Variants in SRGN observed in about 807,000 individuals in gnomAD.
The protein encoded by SRGN is serglycin, also known as hematopoetic proteoglycan core peptide.
SRGN carries 2 observed loss-of-function variants against 9.5 expected under a neutral mutation model. That is an observed-to-expected ratio of 0.21 (90% CI 0.09 to 0.66). The LOEUF is 0.66. Among genes scored for constraint, SRGN ranks in the 30% least tolerant of loss-of-function variants. The pLI, the probability that SRGN is intolerant of heterozygous loss-of-function variation, is 0.83. For missense variants in SRGN, 170 were observed against 192.4 expected, an observed-to-expected ratio of 0.88 and a Z score of 0.69; for synonymous variants, 59 against 72.3, an observed-to-expected ratio of 0.82 and a Z score of 0.93.
At chr10:69,093,246 G>A (rs903562235) in intron 1 of SRGN, among the ~76,000 whole-genome samples, 2 of 152,136 alleles carry the variant, frequency 1.3e-5, no homozygotes, top group African/African-American at 4.8e-5. Context: ...ACAAGATTTG[G>A]AACCCTTAGT....
chr10:69,089,413 G>T (rs1444987909), intron 1 of SRGN, among the ~76,000 whole-genome samples: 2 of 152,176 alleles, frequency 1.3e-5, no homozygotes, highest in Admixed American at 1.3e-4. Flanking sequence ...GGTCTGACAA[G>T]ATCGAGAGTA....
intron 2 of SRGN, among the ~76,000 whole-genome samples, chr10:69,102,143 T>C (rs551099033): frequency 9.2e-5 from 14 of 152,344 alleles, no homozygotes; most frequent in African/African-American, 3.4e-4. Flanking sequence ...ACTTCTCTGG[T>C]TGTGCTTTTT....
chr10:69,095,576 A>G (rs1378571454), intron 1 of SRGN, among the ~76,000 whole-genome samples: 1 of 152,076 alleles, frequency 6.6e-6, no homozygotes, highest in African/African-American at 2.4e-5. Flanking sequence ...TGTCTTTGCT[A>G]AACTGAGGAA....
rs746690884 is a variant in SRGN at position 69,103,847 on chromosome 10, TC to T, written c.228-21del. On this transcript the variant is annotated intron_variant, in intron 2 of 2. Transcript: ENST00000242465. ...ACATATCAAACTCCACTGGTTTTTT[TC>T]CCATTTTTCTTTCATACTTCAGAAA... The T allele has an allele frequency of 1.5e-5, 24 of 1,608,398 alleles. No individual in the cohort carries two copies. In the South Asian group the frequency reaches 2.5e-4, roughly 17 times the overall value.
intron 1 of SRGN, among the ~76,000 whole-genome samples, chr10:69,093,268 A>G (rs1840102428): frequency 6.6e-6 from 1 of 152,236 alleles, no homozygotes; most frequent in Non-Finnish European, 1.5e-5. Context: ...TGAAGAAAAG[A>G]ATGCAAAATA....
In SRGN at chr10:69,097,064, A is replaced by G; in HGVS notation, c.80-20A>G. On this transcript the variant is annotated intron_variant, in intron 1 of 2. Coordinates refer to ENST00000242465, the MANE Select transcript of SRGN (RefSeq NM_002727.4). ...AGCTGTGTAGTAGATACTTAGTAAC[A>G]ATGTGGGTTCCTCGGGCAGGTTATC... The G allele has an allele frequency of 3.1e-6, 5 of 1,612,226 alleles. No homozygotes were observed. The highest frequency in any genetic ancestry group is 1.3e-5 in the African/African-American group (1 of 74,942).
chr10:69,100,781 G>C (rs957290865), intron 2 of SRGN, among the ~76,000 whole-genome samples: 2 of 152,076 alleles, frequency 1.3e-5, no homozygotes, highest in South Asian at 2.1e-4. Flanking sequence ...GCAAGGACGG[G>C]AGACTGAGAG....
rs1589323928 is a variant in SRGN, at chr10:69,088,110, C to G, written c.-48C>G. 2 of 1,536,094 alleles carry G rather than the reference C, an allele frequency of 1.3e-6. No individual in the cohort carries two copies. The highest frequency in any genetic ancestry group is 2.7e-5 in the African/African-American group (2 of 73,446). On this transcript the variant is annotated 5_prime_UTR_variant, in exon 1 of 3. Transcript: ENST00000242465. ...GACAGAGAGCACCCTGCTACATTTCCTAATCAAGAAGTTGGCGTGCAGCTG... is the reference window on the plus strand; with the variant it reads ...GACAGAGAGCACCCTGCTACATTTCGTAATCAAGAAGTTGGCGTGCAGCTG...
At chr10:69,101,298 G>T (rs1228312736) in intron 2 of SRGN, among the ~76,000 whole-genome samples, 1 of 152,032 alleles carries the variant, frequency 6.6e-6, no homozygotes, top group African/African-American at 2.4e-5. Flanking sequence ...GCTAATCTCT[G>T]GGTTACCTCG....
In SRGN at chr10:69,096,957, G is replaced by A. The variant is rs1473083946; in HGVS notation, c.80-127G>A. On this transcript the variant is annotated intron_variant, in intron 1 of 2. Coordinates refer to ENST00000242465, the MANE Select transcript of SRGN (RefSeq NM_002727.4). ...TGCAGTGAGCTATGATCACAGTACTGCACTCCAGCTTGGGCAGCCGACTGA... is the reference window on the plus strand; with the variant it reads ...TGCAGTGAGCTATGATCACAGTACTACACTCCAGCTTGGGCAGCCGACTGA... 3 of 884,002 alleles carry A rather than the reference G, an allele frequency of 3.4e-6. No homozygotes were observed. The African/African-American group carries it at 5.1e-5, about 15-fold the overall frequency. 54.8% of individuals were successfully genotyped at this position (884,002 alleles called of 1,614,324 possible).
chr10:69,092,180 A>G (rs1173916405), intron 1 of SRGN, among the ~76,000 whole-genome samples: 1 of 152,128 alleles, frequency 6.6e-6, no homozygotes, highest in East Asian at 1.9e-4. Context: ...TTTTAGGAAG[A>G]TAACATTTCT....
At position 69,104,288 on chromosome 10, in the gene SRGN, T is replaced by C. The variant is rs955723153; in HGVS notation, c.*168T>C. Reference sequence around the variant, plus strand: ...TTTCTCATGAATTCTTAAAGGATTATGCTTTAATGCTGTTATCTATTTTAT... The same window carrying C: ...TTTCTCATGAATTCTTAAAGGATTACGCTTTAATGCTGTTATCTATTTTAT... On this transcript the variant is annotated 3_prime_UTR_variant, in exon 3 of 3. Transcript: ENST00000242465. 1 of 894,764 alleles carries C rather than the reference T, an allele frequency of 1.1e-6. No individual in the cohort carries two copies. Among genetic ancestry groups the C allele is most frequent in the Non-Finnish European group, 1.6e-6 (1 of 620,086 alleles). The allele number at this position is 894,764 out of a possible 1,614,324, so 55.4% of individuals were successfully genotyped here.
intron 2 of SRGN, among the ~76,000 whole-genome samples, chr10:69,103,258 A>T (rs946435852): frequency 6.6e-6 from 1 of 152,088 alleles, no homozygotes; most frequent in African/African-American, 2.4e-5. Context: ...TCTTTTAAAA[A>T]TGATTTCTTG....
At chr10:69,097,470 A>G (rs1840200624) in intron 2 of SRGN, among the ~76,000 whole-genome samples, 1 of 130,278 alleles carries the variant, frequency 7.7e-6, no homozygotes, top group Admixed American at 9.3e-5. Flanking sequence ...TCTGTCGCTC[A>G]GGCTGGAGTG....
At position 69,099,369 on chromosome 10, in the gene SRGN, G is replaced by C. The variant is rs576241806; in HGVS notation, c.227+2138G>C. Reference sequence around the variant, plus strand: ...CACCCAGGATGGAGTGCAGTGGTGTGATCATAGCTCACTGCAGCCTCGAAC... The same window carrying C: ...CACCCAGGATGGAGTGCAGTGGTGTCATCATAGCTCACTGCAGCCTCGAAC... On this transcript the variant is annotated intron_variant, in intron 2 of 2. Coordinates refer to ENST00000242465, the MANE Select transcript of SRGN (RefSeq NM_002727.4). Among the ~76,000 whole-genome samples, 4 of 149,278 alleles carry C rather than the reference G, an allele frequency of 2.7e-5. No homozygotes were observed. In the Admixed American group the frequency reaches 2.7e-4, roughly 10 times the overall value.
rs1554849954 is a variant in SRGN at position 69,091,895 on chromosome 10, A to AAAAG, written c.79+3662_79+3663insGAAA. On this transcript the variant is annotated intron_variant, in intron 1 of 2. Coordinates refer to ENST00000242465, the MANE Select transcript of SRGN (RefSeq NM_002727.4). Reference sequence around the variant, plus strand: ...ACTCTGTCTCAAAAAAAAAAAAAAAAAAAAAAAAAAAAAGAAAAAGAAAAG... The same window carrying AAAAG: ...ACTCTGTCTCAAAAAAAAAAAAAAAAAAAGAAAAAAAAAAAAAGAAAAAGAAAAG... 2.2e-3 allele frequency among the ~76,000 whole-genome samples: 226 copies of AAAAG among 101,334 alleles called. 1 individual carries two copies. The highest frequency in any genetic ancestry group is 6.0e-3 in the African/African-American group (215 of 35,762). The allele number at this position is 101,334 out of a possible 152,430, so 66.5% of individuals were successfully genotyped here.
chr10:69,088,701 G>A (rs1230492803), intron 1 of SRGN, among the ~76,000 whole-genome samples: 10 of 141,344 alleles, frequency 7.1e-5, no homozygotes, highest in Non-Finnish European at 1.6e-4. Flanking sequence ...ATCTGACTGT[G>A]TGTATTTTCT....
At chr10:69,103,837 C>A (rs1564663614) in intron 2 of SRGN, 34 bp from the exon 3 acceptor site, 1 of 1,606,388 alleles carries the variant, frequency 6.2e-7, no homozygotes, top group East Asian at 2.2e-5. Flanking sequence ...TCAAACTCCA[C>A]TGGTTTTTTT....
chr10:69,092,929 G>C (rs1337578597), intron 1 of SRGN, among the ~76,000 whole-genome samples: 1 of 152,070 alleles, frequency 6.6e-6, no homozygotes, highest in African/African-American at 2.4e-5. Context: ...AATTAGCTGA[G>C]ATTCTGAACT....
Sources: gnomAD v4.1 joint callset for allele counts (sites outside exome capture counted in the v4.1 genomes callset) on GRCh38, gnomAD v4.1.1 for gene constraint, MANE v1.5 for transcripts, NCBI Gene and HGNC (gene_info 2026-07-23, HGNC 2026-07-21) for gene names.